The following KIF2C variants were observed in gnomAD, a reference collection of about 807,000 sequenced individuals.
KIF2C encodes the protein kinesin family member 2C.
A neutral mutation model predicts 97.4 loss-of-function variants in KIF2C; 34 were observed. The ratio of observed to expected loss-of-function variants is 0.35; its 90% CI spans 0.27 to 0.46. KIF2C has a LOEUF of 0.46. Ranked by LOEUF, KIF2C falls within the 20% of genes least tolerant of loss-of-function variation. The probability of loss-of-function intolerance (pLI) is 1.00; values close to 1 mark genes in which losing one functional copy is unlikely to be tolerated. For missense variants in KIF2C, 750 were observed against 907.6 expected (o/e 0.83, Z 2.23); for synonymous variants, 313 against 318.2 (o/e 0.98, Z 0.17).
At chr1:44,750,030 C>T (rs1193952602) in intron 4 of KIF2C, among the ~76,000 whole-genome samples, 4 of 145,702 alleles carry the variant, frequency 2.7e-5, no homozygotes, top group African/African-American at 2.6e-5. Flanking sequence ...TGCAGTGAGC[C>T]GAGATCGCGC....
chr1:44,742,404 C>T (rs1032574867), intron 2 of KIF2C, among the ~76,000 whole-genome samples: 3 of 151,056 alleles, frequency 2.0e-5, no homozygotes, highest in South Asian at 2.1e-4. Flanking sequence ...CCACCATGCC[C>T]GGCTCTGGTA....
Position 44,760,997 on chromosome 1 carries a change from G to T in KIF2C, c.1683+295G>T. 2.9e-6 allele frequency: 1 copy of T among 342,388 alleles called. No individual in the cohort carries two copies. 21.2% of individuals were successfully genotyped at this position (342,388 alleles called of 1,614,324 possible). On this transcript the variant is annotated intron_variant, in intron 16 of 20. Transcript: ENST00000372224. The surrounding 1 kb of genome is among the most constrained non-coding windows in gnomAD (Gnocchi z 4.2). ...GGGGGTTCCAGAATTCGGAAGATGG[G>T]CCTTTGGGTCAGCAGGAGAGGGAAG...
intron 7 of KIF2C, 122 bp downstream of exon 7, chr1:44,753,955 A>ATTTTTTTT (rs1649673304): frequency 4.1e-5 from 8 of 193,176 alleles, no homozygotes; most frequent in East Asian, 9.6e-5. Context: ...TGAGGCCCCA[A>ATTTTTTTT]TTCTTTTTTT....
At chr1:44,762,915 G>C (rs183410202) in intron 19 of KIF2C, among the ~76,000 whole-genome samples, 1 of 152,332 alleles carries the variant, frequency 6.6e-6, no homozygotes, top group Non-Finnish European at 1.5e-5. Flanking sequence ...CCACGCTCCT[G>C]ATAGAGGATT....
At chr1:44,744,172 ATT>A (rs1573549962) in intron 2 of KIF2C, among the ~76,000 whole-genome samples, 1 of 151,736 alleles carries the variant, frequency 6.6e-6, no homozygotes, top group South Asian at 2.1e-4. Flanking sequence ...CAGTGAGCCG[ATT>A]TCGGCTCACT....
intron 6 of KIF2C, 45 bp from the exon 7 acceptor site, chr1:44,753,688 A>G (rs1202355507): frequency 2.9e-6 from 4 of 1,396,834 alleles, no homozygotes; most frequent in Middle Eastern, 3.7e-4. Context: ...AACTGGTAAC[A>G]GAGTGGGCTT....
At chr1:44,740,145 C>T (rs1481835710) in intron 1 of KIF2C, 143 bp downstream of exon 1, 4 of 958,926 alleles carry the variant, frequency 4.2e-6, no homozygotes, top group Non-Finnish European at 6.7e-6. Context: ...CGGGTCTCTG[C>T]ACTGGCAGTC....
chr1:44,747,456 C>T lies in KIF2C; in HGVS notation c.238C>T (p.Leu80=), dbSNP rs1231846896. 1.9e-6 allele frequency: 3 copies of T among 1,609,158 alleles called. No individual in the cohort carries two copies. Among genetic ancestry groups the T allele is most frequent in the Non-Finnish European group, 2.5e-6 (3 of 1,178,860 alleles). The change falls in exon 3 of 21, where the codon CTG becomes TTG. Residue 80 remains leucine, a synonymous_variant. Coordinates refer to ENST00000372224, the MANE Select transcript of KIF2C (RefSeq NM_006845.4). ...TCTTCCCTTACATCCGAAGGACAAT[C>T]TGCCCTTGCAGGAAAATGTAACAAT... ...QLLPLHPKDN[L]PLQENVTIQK...
intron 19 of KIF2C, among the ~76,000 whole-genome samples, chr1:44,763,237 C>T (rs1320147757): frequency 6.6e-6 from 1 of 152,098 alleles, no homozygotes; most frequent in Non-Finnish European, 1.5e-5. Context: ...GGTAGGTGCC[C>T]CTGCTACTGT....
intron 1 of KIF2C, among the ~76,000 whole-genome samples, chr1:44,740,461 G>C (rs757177586): frequency 6.6e-6 from 1 of 152,178 alleles, no homozygotes; most frequent in Non-Finnish European, 1.5e-5. Context: ...AGGTACCGCA[G>C]TTCTGGCAGG....
rs1649276644 is a variant in KIF2C at position 44,747,580 on chromosome 1, T to C, written c.268-72T>C. On this transcript the variant is annotated intron_variant, in intron 3 of 20. Transcript: ENST00000372224. ...TTGATTGTCTGGCATTTTAGCATAG[T>C]ACATGGGCCCAGGATGGGCCCTTGA... 4.5e-6 allele frequency: 7 copies of C among 1,568,574 alleles called. No individual in the cohort carries two copies. In the African/African-American group the frequency reaches 6.8e-5, roughly 15 times the overall value.
At chr1:44,748,921 C>T (rs1649363638) in intron 4 of KIF2C, among the ~76,000 whole-genome samples, 1 of 152,022 alleles carries the variant, frequency 6.6e-6, no homozygotes, top group African/African-American at 2.4e-5. Context: ...TTCAAGCAGT[C>T]CTCCTGCCTC....
At chr1:44,766,753 T>C (rs972417812) in intron 19 of KIF2C, 73 bp from the exon 20 acceptor site, 2 of 1,546,112 alleles carry the variant, frequency 1.3e-6, no homozygotes, top group South Asian at 1.2e-5. Context: ...GGTGTCTGCA[T>C]TGCAGTTGGT....
At chr1:44,741,996 C>CAAAAAAAAA (rs397980058) in intron 2 of KIF2C, among the ~76,000 whole-genome samples, 2 of 67,742 alleles carry the variant, frequency 3.0e-5, no homozygotes, top group African/African-American at 6.4e-5. Context: ...GGACTTGTCT[C>CAAAAAAAAA]AAAAAAAAAA....
At chr1:44,757,673 G>A (rs946087453) in intron 11 of KIF2C, 27 bp downstream of exon 11, 68 of 1,529,796 alleles carry the variant, frequency 4.4e-5, no homozygotes, top group Non-Finnish European at 5.4e-5. Flanking sequence ...GGCGGGGAAA[G>A]AGCCTTTCCC....
chr1:44,751,439 G>A (rs1016728347), intron 5 of KIF2C, among the ~76,000 whole-genome samples: 18 of 150,842 alleles, frequency 1.2e-4, no homozygotes, highest in East Asian at 7.8e-4. Flanking sequence ...CAAGTGATCC[G>A]CCCACCTCGG....
chr1:44,762,557 G>A lies in KIF2C; in HGVS notation c.1870G>A (p.Glu624Lys), dbSNP rs1178260482. Residue 624 changes from glutamate (E) to lysine (K), a missense_variant, in exon 19 of 21, where the codon GAG becomes AAG. Coordinates refer to ENST00000372224, the MANE Select transcript of KIF2C (RefSeq NM_006845.4). ...ALIPGNLSKE[E>K]EELSSQMSSF... ...TTGGCCCTCTCAGTTATCCAAGGAA[G>A]AGGAGGAACTGTCTTCCCAGATGTC... 6.2e-7 allele frequency: 1 copy of A among 1,613,992 alleles called. No individual in the cohort carries two copies. The highest frequency in any genetic ancestry group is 1.3e-5 in the African/African-American group (1 of 74,938).
intron 19 of KIF2C, 29 bp downstream of exon 19, chr1:44,762,687 G>A: frequency 6.8e-7 from 1 of 1,472,712 alleles, no homozygotes; most frequent in Non-Finnish European, 9.5e-7. Flanking sequence ...ACAGGGAGCT[G>A]GATGCAGCAC....
intron 6 of KIF2C, among the ~76,000 whole-genome samples, chr1:44,753,497 C>T (rs1159805124): frequency 6.6e-6 from 1 of 152,184 alleles, no homozygotes; most frequent in African/African-American, 2.4e-5. Flanking sequence ...AACTGGAGTG[C>T]AGTTATCACT....
Sources: gnomAD v4.1 joint callset for allele counts (sites outside exome capture counted in the v4.1 genomes callset) on GRCh38, gnomAD v4.1.1 for gene constraint, Gnocchi (gnomAD v3.1) non-coding constraint, MANE v1.5 for transcripts, NCBI Gene and HGNC (gene_info 2026-07-23, HGNC 2026-07-21) for gene names.